Variants in SPON2 observed in about 807,000 individuals in gnomAD.
SPON2 encodes the protein spondin-2.
Under a neutral mutation model 29.9 loss-of-function variants are expected in SPON2, and 32 were observed. The ratio of observed to expected loss-of-function variants is 1.07; its 90% CI spans 0.81 to 1.44. SPON2 has a LOEUF of 1.44. Ranked by LOEUF, SPON2 falls within the 40% of genes most tolerant of loss-of-function variation. SPON2 has a pLI of 0.00. For missense variants in SPON2, 541 were observed against 455.5 expected, an observed-to-expected ratio of 1.19 and a Z score of -1.71; for synonymous variants, 248 against 209.1, an observed-to-expected ratio of 1.19 and a Z score of -1.61.
chr4:1,167,737 C>A (rs1025743249), intron 5 of SPON2, 81 bp from the exon 6 acceptor site: 2 of 1,451,000 alleles, frequency 1.4e-6, no homozygotes, highest in African/African-American at 2.8e-5. Context: ...CTCCCACCAA[C>A]GTGTGCATTC....
At chr4:1,172,150 G>C in intron 1 of SPON2, 76 bp from the exon 2 acceptor site, 1 of 1,305,414 alleles carries the variant, frequency 7.7e-7, no homozygotes, top group Non-Finnish European at 1.1e-6. Context: ...AGAGGGCTGC[G>C]GCACTTTGGG....
At position 1,202,181 on chromosome 4, in the gene SPON2, G is replaced by A. The variant is rs1388348679; in HGVS notation, c.-234+5699C>T. ...CAGAGACTTCCTGCCTCCCCGTCTG[G>A]AGGCCAAGGTTGGGTTCTCCTCTTC... is the stretch of plus-strand genomic sequence containing the variant. On this transcript the variant is annotated intron_variant, in intron 1 of 3. Transcript: ENST00000509233. This position sits in a 1 kb window ranked among gnomAD's most constrained non-coding sequence, Gnocchi z 5.4. Among the ~76,000 whole-genome samples, 1 of 152,180 alleles carries A rather than the reference G, an allele frequency of 6.6e-6. No homozygotes were observed. The highest frequency in any genetic ancestry group is 1.5e-5 in the Non-Finnish European group (1 of 68,036).
chr4:1,176,866 TCACA>T (rs1012969951), upstream of SPON2, among the ~76,000 whole-genome samples: 1 of 151,882 alleles, frequency 6.6e-6, no homozygotes, highest in South Asian at 2.1e-4. Flanking sequence ...ATTCATTCAT[TCACA>T]CACTTCATTC....
intron 4 of SPON2, 124 bp downstream of exon 4, chr4:1,170,875 C>CT (rs1727412585): frequency 7.5e-7 from 1 of 1,328,646 alleles, no homozygotes; most frequent in South Asian, 1.3e-5. Flanking sequence ...AGAAGCAGAG[C>CT]CTCTTCCACA....
chr4:1,204,618 G>A (rs569825544), intron 1 of SPON2, among the ~76,000 whole-genome samples: 6 of 152,280 alleles, frequency 3.9e-5, no homozygotes, highest in African/African-American at 1.4e-4. Flanking sequence ...TTTTGTTCCA[G>A]AATTTCCTTA....
intron 1 of SPON2, among the ~76,000 whole-genome samples, chr4:1,180,673 T>A (rs555031027): frequency 6.6e-6 from 1 of 152,244 alleles, no homozygotes; most frequent in Admixed American, 6.5e-5. Flanking sequence ...ATAGAGAATA[T>A]CAGTAAAGGA....
chr4:1,203,704 G>A (rs57276390), intron 1 of SPON2, among the ~76,000 whole-genome samples: 7,528 of 152,144 alleles, frequency 0.049, 325 homozygotes, highest in East Asian at 0.21. Flanking sequence ...CCACGTCTCC[G>A]CCCTGACACC....
chr4:1,171,603 G>T, intron 2 of SPON2, 117 bp from the exon 3 acceptor site: 1 of 1,127,196 alleles, frequency 8.9e-7, no homozygotes, highest in Non-Finnish European at 1.3e-6. Flanking sequence ...ATGGCCCCCA[G>T]TCACGTCGGA....
At chr4:1,201,313 A>G (rs1318332333) in intron 1 of SPON2, 1 of 362,148 alleles carries the variant, frequency 2.8e-6, no homozygotes, top group Non-Finnish European at 5.6e-6. Context: ...CACTGGCTTC[A>G]GGCACTTCCA....
intron 1 of SPON2, among the ~76,000 whole-genome samples, chr4:1,203,126 C>T (rs1374349014): frequency 6.6e-6 from 1 of 152,188 alleles, no homozygotes; most frequent in Non-Finnish European, 1.5e-5. Flanking sequence ...CCCCAGCCTG[C>T]CGGCACCTGG....
At chr4:1,175,678 G>A (rs1727580146), upstream of SPON2, among the ~76,000 whole-genome samples, 1 of 151,964 alleles carries the variant, frequency 6.6e-6, no homozygotes, top group African/African-American at 2.4e-5. Context: ...GCTTCAGCTA[G>A]GATGTGGGTG....
At chr4:1,174,590 A>C (rs945466080), upstream of SPON2, among the ~76,000 whole-genome samples, 1 of 152,180 alleles carries the variant, frequency 6.6e-6, no homozygotes, top group Non-Finnish European at 1.5e-5. Flanking sequence ...ATGGATACTT[A>C]TCATTTTCTA....
intron 1 of SPON2, among the ~76,000 whole-genome samples, chr4:1,201,645 T>C (rs1728208593): frequency 6.6e-6 from 1 of 151,834 alleles, no homozygotes; most frequent in Non-Finnish European, 1.5e-5. Context: ...TGCAGTGGCG[T>C]GATCTCGGCT....
chr4:1,167,420 C>G lies in SPON2; in HGVS notation c.*52G>C, dbSNP rs1487256718. On this transcript the variant is annotated 3_prime_UTR_variant, in exon 6 of 6. Coordinates refer to ENST00000290902, the MANE Select transcript of SPON2 (RefSeq NM_012445.4). ...CCTGCAGCATGAGCCTGCACAGGAG[C>G]CCCCGACACCCCATGGCTCCGGGGG... 28 of 1,555,384 alleles carry G rather than the reference C, an allele frequency of 1.8e-5. No homozygotes were observed. The Admixed American group carries it at 5.1e-4, about 28-fold the overall frequency.
upstream of SPON2, among the ~76,000 whole-genome samples, chr4:1,195,448 T>A (rs1728044429): frequency 6.6e-6 from 1 of 151,260 alleles, no homozygotes; most frequent in South Asian, 2.1e-4. Flanking sequence ...GCACCCTCCC[T>A]AAGTCCTCGG....
intron 2 of SPON2, among the ~76,000 whole-genome samples, chr4:1,178,278 A>G (rs998352831): frequency 5.3e-5 from 8 of 151,568 alleles, no homozygotes; most frequent in African/African-American, 1.9e-4. Context: ...GCACACACCA[A>G]GGGCTTTGCT....
rs752258790 is a variant in SPON2 at position 1,171,501 on chromosome 4, G to T, written c.221-15C>A. 1.2e-6 allele frequency: 2 copies of T among 1,603,722 alleles called. No individual in the cohort carries two copies. The highest frequency in any genetic ancestry group is 1.7e-6 in the Non-Finnish European group (2 of 1,173,386). Reference sequence around the variant, plus strand: ...ATGCGCGGCCCCTGCAGGACCACCCGGCCGCGCCGCGGACCATGGTCAGAC... The same window carrying T: ...ATGCGCGGCCCCTGCAGGACCACCCTGCCGCGCCGCGGACCATGGTCAGAC... On this transcript the variant is annotated splice_polypyrimidine_tract_variant and intron_variant, in intron 2 of 5. Coordinates refer to ENST00000290902, the MANE Select transcript of SPON2 (RefSeq NM_012445.4).
intron 1 of SPON2, among the ~76,000 whole-genome samples, chr4:1,193,186 A>C (rs955461066): frequency 1.3e-5 from 2 of 152,170 alleles, no homozygotes; most frequent in African/African-American, 2.4e-5. Flanking sequence ...TCTGAGGCTG[A>C]CCCTGCCTTT....
upstream of SPON2, among the ~76,000 whole-genome samples, chr4:1,196,447 C>T (rs1030376100): frequency 1.3e-5 from 2 of 152,186 alleles, no homozygotes; most frequent in Admixed American, 6.5e-5. Flanking sequence ...GGCCTCATGC[C>T]GACCAAGACC....
Sources: gnomAD v4.1 joint callset for allele counts (sites outside exome capture counted in the v4.1 genomes callset) on GRCh38, gnomAD v4.1.1 for gene constraint, Gnocchi (gnomAD v3.1) non-coding constraint, MANE v1.5 for transcripts, NCBI Gene and HGNC (gene_info 2026-07-23, HGNC 2026-07-21) for gene names.